The following RARB variants were observed in gnomAD, a reference collection of about 807,000 sequenced individuals.
RARB encodes the protein HBV-activated protein.
A neutral mutation model predicts 51.9 loss-of-function variants in RARB; 17 were observed. The observed-to-expected ratio is 0.33, with a 90% CI of 0.22 to 0.49. The LOEUF (loss-of-function observed/expected upper bound fraction) is 0.49, where lower values mean the gene tolerates loss of function less well. Among genes scored for constraint, RARB ranks in the 20% least tolerant of loss-of-function variants. The pLI, the probability that RARB is intolerant of heterozygous loss-of-function variation, is 0.99. For missense variants in RARB, 369 were observed against 550.8 expected, an observed-to-expected ratio of 0.67 and a Z score of 3.30; for synonymous variants, 215 against 195.4, an observed-to-expected ratio of 1.10 and a Z score of -0.84.
chr3:25,258,594 G>A (rs1434295793), intron 5 of RARB, among the ~76,000 whole-genome samples: 2 of 152,052 alleles, frequency 1.3e-5, no homozygotes, highest in Non-Finnish European at 2.9e-5. Context: ...TGGTTGTCAT[G>A]GTGTCTTGGT....
chr3:25,334,612 G>T (rs958162094), intron 5 of RARB, among the ~76,000 whole-genome samples: 1 of 152,010 alleles, frequency 6.6e-6, no homozygotes, highest in South Asian at 2.1e-4. Context: ...ACACCAACGT[G>T]GCACATGTAT....
At chr3:25,199,391 C>T (rs903136115) in intron 5 of RARB, among the ~76,000 whole-genome samples, 1 of 151,860 alleles carries the variant, frequency 6.6e-6, no homozygotes, top group Non-Finnish European at 1.5e-5. Context: ...TATTTGACAG[C>T]AAAACAGAGC....
At chr3:24,995,864 A>G (rs1697026175) in intron 2 of RARB, among the ~76,000 whole-genome samples, 1 of 151,882 alleles carries the variant, frequency 6.6e-6, no homozygotes, top group Non-Finnish European at 1.5e-5. Context: ...TTGGTTTGCT[A>G]GTGTTTTGTT....
At chr3:24,832,628 A>C (rs1317197) in intron 1 of RARB, among the ~76,000 whole-genome samples, 931 of 88,440 alleles carry the variant, frequency 0.011, 24 homozygotes, top group South Asian at 0.062. Context: ...ATTGAGTCCC[A>C]ATATATATAT....
intron 5 of RARB, among the ~76,000 whole-genome samples, chr3:25,278,386 A>C (rs1190181114): frequency 2.6e-5 from 4 of 152,210 alleles, no homozygotes; most frequent in South Asian, 2.1e-4. Flanking sequence ...CCCATTGGAC[A>C]GTCCAACAGC....
intron 5 of RARB, among the ~76,000 whole-genome samples, chr3:25,397,939 A>G (rs1707159598): frequency 6.6e-6 from 1 of 152,030 alleles, no homozygotes. Flanking sequence ...TATATTCTTA[A>G]CTGGTTATAA....
chr3:24,952,860 A>G (rs1695927460), intron 2 of RARB, among the ~76,000 whole-genome samples: 1 of 150,564 alleles, frequency 6.6e-6, no homozygotes. Flanking sequence ...AACAACCCCC[A>G]ACAGTAAAAC....
intron 2 of RARB, among the ~76,000 whole-genome samples, chr3:25,036,659 C>A (rs1444529602): frequency 6.6e-6 from 1 of 152,102 alleles, no homozygotes; most frequent in African/African-American, 2.4e-5. Flanking sequence ...GCTTTGTGCC[C>A]ACACCAGTAC....
At position 25,289,882 on chromosome 3, in the gene RARB, G is replaced by C. The variant is rs1240353672; in HGVS notation, c.178+115307G>C. Among the ~76,000 whole-genome samples, 29 of 152,166 alleles carry C rather than the reference G, an allele frequency of 1.9e-4. 1 individual carries two copies. The highest frequency in any genetic ancestry group is 1.7e-3 in the Admixed American group (26 of 15,268). On this transcript the variant is annotated intron_variant, in intron 5 of 11. Coordinates refer to the RARB transcript ENST00000383772. ...AACAGTTCTTAACCGGAGACCCTAA[G>C]ACTTTGTGGGGAATGAGGCTACCAG...
At chr3:25,264,569 G>A (rs1703081984) in intron 5 of RARB, among the ~76,000 whole-genome samples, 1 of 152,016 alleles carries the variant, frequency 6.6e-6, no homozygotes, top group Non-Finnish European at 1.5e-5. Context: ...TTTATTTTCA[G>A]TACAATTTTA....
intron 5 of RARB, among the ~76,000 whole-genome samples, chr3:25,184,136 G>GTT (rs11425749): frequency 8.7e-4 from 129 of 148,740 alleles, no homozygotes; most frequent in Middle Eastern, 3.5e-3. Flanking sequence ...AGAGTTTGTT[G>GTT]TTTTTTTTTT....
intron 3 of RARB, among the ~76,000 whole-genome samples, chr3:25,543,324 G>T (rs553001502): frequency 1.2e-4 from 19 of 152,144 alleles, no homozygotes; most frequent in Non-Finnish European, 2.1e-4. Context: ...TTAACTAGGA[G>T]TTGCCAGAAA....
At chr3:25,048,589 T>A (rs566425131) in intron 2 of RARB, among the ~76,000 whole-genome samples, 1 of 152,288 alleles carries the variant, frequency 6.6e-6, no homozygotes, top group Admixed American at 6.5e-5. Context: ...TGTATACTGA[T>A]TACTTTTTGT....
In RARB at chr3:25,161,395, A is replaced by G. The variant is rs181538696; in HGVS notation, c.-279-12724A>G. ...TTACATTGCAAAGTCCTTTTGCCAT[A>G]TGAGGTAATGTTCTCAGGTTCTGGG... On this transcript the variant is annotated intron_variant, in intron 4 of 11. Transcript: ENST00000383772. 1.3e-4 allele frequency among the ~76,000 whole-genome samples: 20 copies of G among 152,172 alleles called. No homozygotes were observed. The East Asian group carries it at 3.9e-3, about 29-fold the overall frequency.
intron 2 of RARB, among the ~76,000 whole-genome samples, chr3:24,935,146 G>T (rs962304990): frequency 6.6e-6 from 1 of 152,082 alleles, no homozygotes; most frequent in African/African-American, 2.4e-5. Flanking sequence ...TGCTGTAGCT[G>T]GCTGATTTAA....
intron 4 of RARB, among the ~76,000 whole-genome samples, chr3:25,575,170 T>C (rs1212702256): frequency 2.0e-5 from 3 of 152,164 alleles, no homozygotes; most frequent in Admixed American, 6.5e-5. Flanking sequence ...ATGCGCACTT[T>C]GCAGTAGGGT....
At chr3:25,269,581 T>A (rs1373467983) in intron 5 of RARB, among the ~76,000 whole-genome samples, 2 of 152,226 alleles carry the variant, frequency 1.3e-5, no homozygotes, top group African/African-American at 2.4e-5. Flanking sequence ...AGTTAATACA[T>A]GTGTACTGCT....
intron 5 of RARB, among the ~76,000 whole-genome samples, chr3:25,343,201 C>T (rs936687375): frequency 1.3e-5 from 2 of 152,068 alleles, no homozygotes; most frequent in Non-Finnish European, 2.9e-5. Flanking sequence ...CAAAGCACTT[C>T]TACCATCTTC....
intron 5 of RARB, among the ~76,000 whole-genome samples, chr3:25,412,636 A>G (rs1707592618): frequency 6.6e-6 from 1 of 152,200 alleles, no homozygotes; most frequent in African/African-American, 2.4e-5. Context: ...TAAAACATTT[A>G]TAGAAAGGAA....
Sources: allele counts gnomAD v4.1 joint callset (sites outside exome capture counted in the v4.1 genomes callset), GRCh38; gene constraint gnomAD v4.1.1; transcripts MANE v1.5; gene names NCBI Gene and HGNC (gene_info 2026-07-23, HGNC 2026-07-21).